EPHB1: variants seen among roughly 807,000 people sequenced by gnomAD.
The protein encoded by EPHB1 is EPH receptor B1, also known as ephrin type-B receptor 1.
Under a neutral mutation model 94.4 loss-of-function variants are expected in EPHB1, and 30 were observed. That is an observed-to-expected ratio of 0.32 (90% CI 0.24 to 0.43). EPHB1 has a LOEUF of 0.43. EPHB1 is among the 20% of genes least tolerant of loss of function. The pLI is 1.00. For missense variants in EPHB1, 1,055 were observed against 1,308.3 expected (o/e 0.81, Z 2.99); for synonymous variants, 522 against 489.1 (o/e 1.07, Z -0.89).
At chr3:134,798,570 C>T (rs1264325433) in intron 1 of EPHB1, among the ~76,000 whole-genome samples, 1 of 152,222 alleles carries the variant, frequency 6.6e-6, no homozygotes, top group Non-Finnish European at 1.5e-5. Context: ...CTAAGTCTGT[C>T]TTCAGAAGGG....
At chr3:135,066,601 C>T (rs1262994658) in intron 3 of EPHB1, among the ~76,000 whole-genome samples, 1 of 152,146 alleles carries the variant, frequency 6.6e-6, no homozygotes. Flanking sequence ...CCCTTCACTT[C>T]TTGTATCATT....
chr3:134,966,911 C>A (rs574017258), intron 3 of EPHB1, among the ~76,000 whole-genome samples: 121 of 152,336 alleles, frequency 7.9e-4, no homozygotes, highest in African/African-American at 2.8e-3. Flanking sequence ...GTTCTGAAAA[C>A]CCACTCATGC....
rs141702879 is a variant in EPHB1, at chr3:135,068,177, G to A, written c.806-38271G>A. On this transcript the variant is annotated intron_variant, in intron 3 of 15. Coordinates refer to ENST00000398015, the MANE Select transcript of EPHB1 (RefSeq NM_004441.5). The stretch of plus-strand genomic sequence containing the variant: ...AAATTCATGATGCAAGCCTCCATCC[G>A]CTGCTCTGTCTGTCCAAGACAGAGC... 1.8e-3 allele frequency among the ~76,000 whole-genome samples: 274 copies of A among 152,144 alleles called. 1 individual carries two copies. The highest frequency in any genetic ancestry group is 6.3e-3 in the African/African-American group (262 of 41,494).
chr3:134,863,384 C>T (rs577018417), intron 1 of EPHB1, among the ~76,000 whole-genome samples: 7 of 152,248 alleles, frequency 4.6e-5, no homozygotes, highest in African/African-American at 1.4e-4. Context: ...ATTAACTGGC[C>T]AGGTGTGGTA....
intron 1 of EPHB1, among the ~76,000 whole-genome samples, chr3:134,878,288 T>C (rs2037658574): frequency 6.6e-6 from 1 of 152,252 alleles, no homozygotes; most frequent in African/African-American, 2.4e-5. Context: ...ATAATTCATT[T>C]TCTTTATTCC....
chr3:135,192,893 A>C (rs761626509), intron 11 of EPHB1, 70 bp downstream of exon 11: 13 of 1,571,592 alleles, frequency 8.3e-6, no homozygotes, highest in Non-Finnish European at 1.1e-5. Flanking sequence ...GAGGGGTTCC[A>C]TGAGCACAAC....
At chr3:135,107,679 T>C (rs1939273721) in intron 4 of EPHB1, among the ~76,000 whole-genome samples, 1 of 152,166 alleles carries the variant, frequency 6.6e-6, no homozygotes, top group Admixed American at 6.5e-5. Flanking sequence ...GTGACTGGAC[T>C]CTTAGTAGAA....
At chr3:135,206,674 A>AC (rs1942910032) in intron 12 of EPHB1, among the ~76,000 whole-genome samples, 3 of 152,038 alleles carry the variant, frequency 2.0e-5, no homozygotes, top group East Asian at 1.9e-4. Flanking sequence ...ACGTGGTGAC[A>AC]CCCCGCCTCT....
intron 15 of EPHB1, among the ~76,000 whole-genome samples, chr3:135,252,125 T>G (rs1387207248): frequency 6.6e-6 from 1 of 151,956 alleles, no homozygotes; most frequent in Admixed American, 6.5e-5. Flanking sequence ...TATCTACCCA[T>G]AGCATGCACA....
At chr3:134,859,058 A>G (rs933152015) in intron 1 of EPHB1, among the ~76,000 whole-genome samples, 1 of 152,202 alleles carries the variant, frequency 6.6e-6, no homozygotes, top group Admixed American at 6.5e-5. Flanking sequence ...AGGGAGATTT[A>G]TTCTCCAGTT....
intron 3 of EPHB1, among the ~76,000 whole-genome samples, chr3:134,965,774 C>G (rs1283805121): frequency 6.6e-6 from 1 of 152,124 alleles, no homozygotes; most frequent in African/African-American, 2.4e-5. Flanking sequence ...CCTTGAGGAC[C>G]TTCTGCAGCC....
chr3:135,181,662 C>T (rs147798611), intron 10 of EPHB1, among the ~76,000 whole-genome samples: 1 of 152,136 alleles, frequency 6.6e-6, no homozygotes, highest in African/African-American at 2.4e-5. Flanking sequence ...TCCCAGAGAG[C>T]ACACATCAGC....
At position 135,197,900 on chromosome 3, in the gene EPHB1, A is replaced by G. The variant is rs180677840; in HGVS notation, c.2131-3574A>G. Among the ~76,000 whole-genome samples the G allele has an allele frequency of 1.1e-4, 17 of 152,328 alleles. 2 individuals carry two copies. In the East Asian group the frequency reaches 3.1e-3, roughly 28 times the overall value. On this transcript the variant is annotated intron_variant, in intron 11 of 15. Coordinates refer to ENST00000398015, the MANE Select transcript of EPHB1 (RefSeq NM_004441.5). ...TCTTTTTGGAGAATTATGCCAATCA[A>G]CTGAGCATGTAACAGTTAAACATGC...
intron 3 of EPHB1, among the ~76,000 whole-genome samples, chr3:135,019,179 C>T (rs1421453135): frequency 6.6e-6 from 1 of 152,144 alleles, no homozygotes; most frequent in Non-Finnish European, 1.5e-5. Flanking sequence ...TGGCTGCCCC[C>T]ACAGCAGTAG....
At chr3:135,120,458 A>G (rs1262587321) in intron 4 of EPHB1, among the ~76,000 whole-genome samples, 2 of 152,180 alleles carry the variant, frequency 1.3e-5, no homozygotes, top group Non-Finnish European at 2.9e-5. Context: ...ATCTTGTGTT[A>G]GTGGACATCT....
chr3:135,176,113 C>A (rs956534567), intron 9 of EPHB1, among the ~76,000 whole-genome samples: 1 of 152,058 alleles, frequency 6.6e-6, no homozygotes, highest in Non-Finnish European at 1.5e-5. Flanking sequence ...TAGGAAGATG[C>A]GTCATTCTGA....
intron 3 of EPHB1, among the ~76,000 whole-genome samples, chr3:135,044,088 GC>G (rs956606988): frequency 1.0e-3 from 153 of 152,262 alleles, no homozygotes; most frequent in African/African-American, 3.6e-3. Context: ...ACTAAATTTG[GC>G]TCACTTACAA....
chr3:135,225,292 G>A (rs781726431), intron 12 of EPHB1, among the ~76,000 whole-genome samples: 17 of 152,164 alleles, frequency 1.1e-4, no homozygotes, highest in Non-Finnish European at 2.4e-4. Flanking sequence ...AAATATTCCT[G>A]TAGGATGCAG....
chr3:135,018,257 A>G (rs1418544358), intron 3 of EPHB1, among the ~76,000 whole-genome samples: 1 of 152,162 alleles, frequency 6.6e-6, no homozygotes, highest in African/African-American at 2.4e-5. Flanking sequence ...ATTTGAGATC[A>G]TGTGCTGACA....
Sources: allele counts gnomAD v4.1 joint callset (sites outside exome capture counted in the v4.1 genomes callset), GRCh38; gene constraint gnomAD v4.1.1; transcripts MANE v1.5; gene names NCBI Gene and HGNC (gene_info 2026-07-23, HGNC 2026-07-21).